The following TSHR variants were observed in gnomAD, a reference collection of about 807,000 sequenced individuals.
The protein encoded by TSHR is thyroid stimulating hormone receptor, also known as thyrotropin receptor.
TSHR carries 51 observed loss-of-function variants against 64.1 expected under a neutral mutation model. The ratio of observed to expected loss-of-function variants is 0.80; its 90% CI spans 0.64 to 1.01. The LOEUF (loss-of-function observed/expected upper bound fraction) is 1.01, where lower values mean the gene tolerates loss of function less well. Among genes scored for constraint, TSHR ranks in the 50% least tolerant of loss-of-function variants. The pLI is 0.00. For missense variants in TSHR, 877 were observed against 942.8 expected (o/e 0.93, Z 0.91); for synonymous variants, 361 against 361.9 (o/e 1.00, Z 0.03).
chr14:80,990,975 G>A (rs1888698894), intron 1 of TSHR, among the ~76,000 whole-genome samples: 1 of 152,160 alleles, frequency 6.6e-6, no homozygotes, highest in Non-Finnish European at 1.5e-5. Context: ...ATTTTTAAAT[G>A]TTTTGTGCAA....
chr14:80,985,863 G>T (rs1261297746), intron 1 of TSHR, among the ~76,000 whole-genome samples: 1 of 152,170 alleles, frequency 6.6e-6, no homozygotes, highest in African/African-American at 2.4e-5. Context: ...GATCTTTGCT[G>T]ACTCACATTT....
chr14:81,025,625 A>G (rs1594967759), intron 1 of TSHR, among the ~76,000 whole-genome samples: 1 of 152,350 alleles, frequency 6.6e-6, no homozygotes, highest in Admixed American at 6.5e-5. Context: ...CTTTGGTTCT[A>G]GGATTGAATT....
At chr14:80,982,526 AAGG>A (rs1446733828) in intron 1 of TSHR, 1 of 1,015,988 alleles carries the variant, frequency 9.8e-7, no homozygotes, top group Non-Finnish European at 1.4e-6. Context: ...TGGTTTTGGG[AAGG>A]AGATGATGCT....
At chr14:81,129,438 C>A (rs530713557) in intron 8 of TSHR, among the ~76,000 whole-genome samples, 1 of 152,338 alleles carries the variant, frequency 6.6e-6, no homozygotes, top group African/African-American at 2.4e-5. Context: ...CCAAGCCCAA[C>A]CTTGGTTAGG....
intron 1 of TSHR, chr14:80,992,090 A>G (rs1888754685): frequency 6.6e-6 from 1 of 152,428 alleles, no homozygotes; most frequent in African/African-American, 2.4e-5. Context: ...TATGCAAGCT[A>G]ATCATAAATT....
chr14:81,124,239 T>C (rs1890923919), intron 8 of TSHR, among the ~76,000 whole-genome samples: 1 of 151,988 alleles, frequency 6.6e-6, no homozygotes. Context: ...TTTTAAACTC[T>C]TCATGATCTT....
Position 81,098,280 on chromosome 14 carries a change from C to T in TSHR, c.614+1573C>T, listed in dbSNP as rs1389036097. On this transcript the variant is annotated intron_variant, in intron 7 of 9. Transcript: ENST00000298171. ...TAGAAAATAACTGAAGCCTAAATAT[C>T]GAATAACATTGCTTTCCTTCTTTGG... is the stretch of plus-strand genomic sequence containing the variant. Among the ~76,000 whole-genome samples the T allele has an allele frequency of 2.0e-5, 3 of 152,134 alleles. No individual in the cohort carries two copies. In the South Asian group the frequency reaches 6.2e-4, roughly 31 times the overall value.
intron 3 of TSHR, among the ~76,000 whole-genome samples, chr14:81,071,195 G>T (rs1188732815): frequency 6.6e-6 from 1 of 152,014 alleles, no homozygotes; most frequent in East Asian, 1.9e-4. Context: ...TAAATGGAAA[G>T]AAAAAATAAT....
intron 3 of TSHR, among the ~76,000 whole-genome samples, chr14:81,070,668 AAAT>A (rs1566792799): frequency 6.6e-6 from 1 of 151,352 alleles, no homozygotes; most frequent in Non-Finnish European, 1.5e-5. Flanking sequence ...AGGAAATAAT[AAAT>A]AATACTTTCA....
intron 9 of TSHR, among the ~76,000 whole-genome samples, chr14:81,140,889 A>G (rs2300538): frequency 0.43 from 64,965 of 152,016 alleles, 14,778 homozygotes; most frequent in African/African-American, 0.59. Flanking sequence ...GGAGGCTGAG[A>G]TGGCCAGATC....
intron 1 of TSHR, among the ~76,000 whole-genome samples, chr14:81,040,531 A>C (rs567852362): frequency 1.7e-4 from 26 of 152,272 alleles, no homozygotes; most frequent in Admixed American, 1.7e-3. Context: ...GACGACATAC[A>C]GAATGGGAGA....
intron 3 of TSHR, among the ~76,000 whole-genome samples, chr14:81,082,707 C>T (rs549408634): frequency 6.6e-6 from 1 of 152,232 alleles, no homozygotes; most frequent in East Asian, 1.9e-4. Flanking sequence ...TATTCTTGTT[C>T]AATTTATTGT....
At chr14:81,082,491 G>A (rs1887977636) in intron 3 of TSHR, among the ~76,000 whole-genome samples, 1 of 152,072 alleles carries the variant, frequency 6.6e-6, no homozygotes, top group African/African-American at 2.4e-5. Flanking sequence ...TTTGTTCTAG[G>A]CCCAGTCTTT....
At chr14:81,107,693 T>C (rs1397964825) in intron 7 of TSHR, among the ~76,000 whole-genome samples, 2 of 152,096 alleles carry the variant, frequency 1.3e-5, no homozygotes, top group Non-Finnish European at 2.9e-5. Context: ...GGCTAAACAC[T>C]GCTCACACAC....
In TSHR at chr14:81,143,265, G is replaced by T; in HGVS notation, c.1207G>T (p.Asp403Tyr). Residue 403 changes from aspartate to tyrosine, a missense_variant, in exon 10 of 10, where the codon GAT becomes TAT. Asp to Tyr is a radical substitution (Grantham distance 160, BLOSUM62 -3). Coordinates refer to ENST00000298171, the MANE Select transcript of TSHR (RefSeq NM_000369.5). ...AGACATGGTGTGTACCCCCAAGTCCGATGAGTTCAACCCGTGTGAAGACAT... is the reference window on the plus strand; with the variant it reads ...AGACATGGTGTGTACCCCCAAGTCCTATGAGTTCAACCCGTGTGAAGACAT... ...SEDMVCTPKS[D>Y]EFNPCEDIMG... 6.2e-7 allele frequency: 1 copy of T among 1,614,140 alleles called. No homozygotes were observed. The highest frequency in any genetic ancestry group is 2.2e-5 in the East Asian group (1 of 44,868).
At chr14:81,060,647 G>A (rs1886169519) in intron 1 of TSHR, among the ~76,000 whole-genome samples, 2 of 152,220 alleles carry the variant, frequency 1.3e-5, no homozygotes, top group South Asian at 2.1e-4. Flanking sequence ...TTCAAAGAAA[G>A]CATAGACCAA....
intron 1 of TSHR, among the ~76,000 whole-genome samples, chr14:81,005,085 T>A (rs1413533391): frequency 6.6e-6 from 1 of 152,212 alleles, no homozygotes; most frequent in East Asian, 1.9e-4. Context: ...GATGAAAATA[T>A]GTTCCTTTTC....
chr14:80,964,270 A>G (rs1324352650), intron 1 of TSHR, among the ~76,000 whole-genome samples: 1 of 152,234 alleles, frequency 6.6e-6, no homozygotes, highest in African/African-American at 2.4e-5. Flanking sequence ...TATCAGAGGC[A>G]TAGATCCAGA....
At chr14:80,973,444 C>G (rs1361403721) in intron 1 of TSHR, among the ~76,000 whole-genome samples, 1 of 102,712 alleles carries the variant, frequency 9.7e-6, no homozygotes, top group Non-Finnish European at 2.3e-5. Flanking sequence ...TGTACTTATT[C>G]TCAGAGGCTT....
Sources: gnomAD v4.1 joint callset for allele counts (sites outside exome capture counted in the v4.1 genomes callset) on GRCh38, gnomAD v4.1.1 for gene constraint, MANE v1.5 for transcripts, NCBI Gene and HGNC (gene_info 2026-07-23, HGNC 2026-07-21) for gene names.